NAV2: variants seen among roughly 807,000 people sequenced by gnomAD.
NAV2 encodes neuron navigator 2.
Under a neutral mutation model 223.2 loss-of-function variants are expected in NAV2, and 54 were observed. That is an observed-to-expected ratio of 0.24 (90% CI 0.19 to 0.30). The LOEUF (loss-of-function observed/expected upper bound fraction) is 0.30, where lower values mean the gene tolerates loss of function less well. Among genes scored for constraint, NAV2 ranks in the 10% least tolerant of loss-of-function variants. The pLI is 1.00. For missense variants in NAV2, 2,806 were observed against 3,147.5 expected (o/e 0.89, Z 2.60); for synonymous variants, 1,279 against 1,239.3 (o/e 1.03, Z -0.67).
At chr11:19,751,156 G>T (rs776918320) in intron 1 of NAV2, among the ~76,000 whole-genome samples, 1 of 152,156 alleles carries the variant, frequency 6.6e-6, no homozygotes, top group Non-Finnish European at 1.5e-5. Context: ...TCCCAAAGAA[G>T]ATCCAGTTTC....
chr11:19,926,478 G>A (rs2044758373), intron 6 of NAV2, among the ~76,000 whole-genome samples: 2 of 152,062 alleles, frequency 1.3e-5, no homozygotes, highest in South Asian at 2.1e-4. Flanking sequence ...CTGCTGAGGA[G>A]GCTCCTCCAG....
chr11:19,610,666 G>A (rs1264944905), intron 1 of NAV2, among the ~76,000 whole-genome samples: 1 of 152,178 alleles, frequency 6.6e-6, no homozygotes, highest in East Asian at 1.9e-4. Flanking sequence ...GTGGGCACTT[G>A]TTCCATTTCC....
At chr11:19,627,888 C>T (rs2047216087) in intron 1 of NAV2, among the ~76,000 whole-genome samples, 1 of 143,992 alleles carries the variant, frequency 6.9e-6, no homozygotes, top group African/African-American at 2.6e-5. Flanking sequence ...AGTTCCTCAA[C>T]CTGAGCCTTA....
chr11:19,626,654 C>T (rs1248856446), intron 1 of NAV2, among the ~76,000 whole-genome samples: 1 of 152,162 alleles, frequency 6.6e-6, no homozygotes, highest in African/African-American at 2.4e-5. Context: ...TGCTTCTGAT[C>T]CATGAGTATG....
chr11:19,815,025 T>C (rs1019923119), intron 1 of NAV2, among the ~76,000 whole-genome samples: 7 of 152,290 alleles, frequency 4.6e-5, no homozygotes, highest in Middle Eastern at 6.8e-3. Context: ...AGTGATCTAT[T>C]ATAAAAACGT....
At chr11:19,860,313 A>G (rs1477210408) in intron 3 of NAV2, among the ~76,000 whole-genome samples, 3 of 129,706 alleles carry the variant, frequency 2.3e-5, no homozygotes, top group African/African-American at 6.4e-5. Flanking sequence ...CACTTCTCAG[A>G]CAGGGCGGTT....
intron 11 of NAV2, among the ~76,000 whole-genome samples, chr11:20,002,756 C>T (rs953611632): frequency 1.3e-5 from 2 of 152,164 alleles, no homozygotes; most frequent in African/African-American, 2.4e-5. Context: ...CCTCCGGTAG[C>T]TGTGTTCCAC....
At chr11:19,420,204 T>C (rs181144316) in intron 1 of NAV2, among the ~76,000 whole-genome samples, 7 of 152,340 alleles carry the variant, frequency 4.6e-5, no homozygotes, top group South Asian at 2.1e-4. Context: ...CTATGGGCTG[T>C]TGTGCAGTTT....
intron 1 of NAV2, among the ~76,000 whole-genome samples, chr11:19,398,566 G>A (rs112994158): frequency 3.3e-5 from 5 of 151,962 alleles, no homozygotes; most frequent in Non-Finnish European, 7.4e-5. Context: ...ACTCTGGCTT[G>A]TTGGTCCGCC....
In NAV2 at chr11:19,595,120, T is replaced by C. The variant is rs117611039; in HGVS notation, c.76-237364T>C. 8.9e-4 allele frequency among the ~76,000 whole-genome samples: 136 copies of C among 152,246 alleles called. 3 individuals are homozygous for C. The East Asian group carries it at 0.025, about 28-fold the overall frequency. On this transcript the variant is annotated intron_variant, in intron 1 of 37. Transcript: ENST00000360655. ...GGGCTCAGTCCCACTGGACATCCTCTTAGAGACTGAGAAACACACCTCAGA... is the reference window on the plus strand; with the variant it reads ...GGGCTCAGTCCCACTGGACATCCTCCTAGAGACTGAGAAACACACCTCAGA...
At chr11:19,849,029 A>G (rs1038227778) in intron 3 of NAV2, among the ~76,000 whole-genome samples, 4 of 151,890 alleles carry the variant, frequency 2.6e-5, no homozygotes, top group African/African-American at 9.7e-5. Flanking sequence ...ATGAGATTTT[A>G]ATGAGCTAAC....
chr11:20,029,849 C>T (rs1288596369), intron 11 of NAV2, among the ~76,000 whole-genome samples: 2 of 152,182 alleles, frequency 1.3e-5, no homozygotes, highest in African/African-American at 4.8e-5. Context: ...TCTTATCTGA[C>T]TTGACCAATG....
chr11:19,852,636 A>G (rs2061207599), intron 3 of NAV2, among the ~76,000 whole-genome samples: 1 of 152,222 alleles, frequency 6.6e-6, no homozygotes, highest in African/African-American at 2.4e-5. Flanking sequence ...AATTAACATA[A>G]CATTTAAGCA....
chr11:19,903,842 C>T (rs2042644932), intron 6 of NAV2, among the ~76,000 whole-genome samples: 1 of 152,128 alleles, frequency 6.6e-6, no homozygotes, highest in Non-Finnish European at 1.5e-5. Context: ...ACAGGGCCTC[C>T]CCACATTTGT....
intron 1 of NAV2, among the ~76,000 whole-genome samples, chr11:19,727,302 G>T (rs1461647231): frequency 6.6e-6 from 1 of 152,172 alleles, no homozygotes; most frequent in African/African-American, 2.4e-5. Context: ...CTCACAAATG[G>T]CTGTGAATGC....
At position 20,105,583 on chromosome 11, in the gene NAV2, T is replaced by C. The variant is rs889812740; in HGVS notation, c.6697T>C (p.Phe2233Leu). The change falls in exon 35 of 38, where the codon TTC (phenylalanine) becomes CTC (leucine). Residue 2233 changes from phenylalanine (F) to leucine (L), a missense_variant. Physicochemically the swap from Phe to Leu is conservative, Grantham distance 22. Around this residue, in one of 4 missense-constraint regions of NAV2, gnomAD observed 824 missense variants for 1,069.4 expected, o/e 0.77. Coordinates refer to ENST00000349880, the MANE Select transcript of NAV2 (RefSeq NM_145117.5). ...GCCTGTGAAGGGTTTCCTTGGCCGA[T>C]TCCTGAGGAGGAAGCTCATGGAAAC... ...TEPVKGFLGRFLRRKLMETEI... is the reference protein window; with the variant it reads ...TEPVKGFLGRLLRRKLMETEI... 9 of 1,613,990 alleles carry C rather than the reference T, an allele frequency of 5.6e-6. No individual in the cohort carries two copies. Among genetic ancestry groups the C allele is most frequent in the African/African-American group, 1.3e-5 (1 of 74,926 alleles).
rs2062492921 is a variant in NAV2, at chr11:19,871,510, A to AG, written c.511+2514dup. Among the ~76,000 whole-genome samples the AG allele has an allele frequency of 2.6e-5, 4 of 152,212 alleles. No individual in the cohort carries two copies. The South Asian group carries it at 8.3e-4, about 32-fold the overall frequency. ...CAGTATACATCACTGCCACTGTCTC[A>AG]GCTGGTAGTCTCAGCAGGCCCTGCT... On this transcript the variant is annotated intron_variant, in intron 4 of 37. Coordinates refer to ENST00000349880, the MANE Select transcript of NAV2 (RefSeq NM_145117.5).
chr11:19,550,388 C>A (rs930142225), intron 1 of NAV2, among the ~76,000 whole-genome samples: 1 of 152,130 alleles, frequency 6.6e-6, no homozygotes, highest in African/African-American at 2.4e-5. Context: ...CTGTTAGAAC[C>A]CGAATACTTG....
intron 1 of NAV2, among the ~76,000 whole-genome samples, chr11:19,451,249 C>G (rs546327354): frequency 6.6e-6 from 1 of 152,272 alleles, no homozygotes; most frequent in South Asian, 2.1e-4. Context: ...ATTGTCTCCA[C>G]CTCCTCTCAT....
Sources: gnomAD v4.1 joint callset for allele counts (sites outside exome capture counted in the v4.1 genomes callset) on GRCh38, gnomAD v4.1.1 for gene constraint, gnomAD v4.1.1 regional missense constraint, MANE v1.5 for transcripts, NCBI Gene and HGNC (gene_info 2026-07-23, HGNC 2026-07-21) for gene names.